CPOX: variants seen among roughly 807,000 people sequenced by gnomAD.
The protein encoded by CPOX is coproporphyrinogen oxidase, also known as oxygen-dependent coproporphyrinogen-III oxidase, mitochondrial.
A neutral mutation model predicts 48.9 loss-of-function variants in CPOX; 24 were observed. The observed-to-expected ratio is 0.49, with a 90% confidence interval of 0.36 to 0.69. CPOX has a LOEUF of 0.69. Among genes scored for constraint, CPOX ranks in the 30% least tolerant of loss-of-function variants. The pLI, the probability that CPOX is intolerant of heterozygous loss-of-function variation, is 0.00. For synonymous variants in CPOX, 249 were observed against 234.6 expected, an observed-to-expected ratio of 1.06 and a Z score of -0.56; for missense variants, 549 against 597.3, an observed-to-expected ratio of 0.92 and a Z score of 0.84.
chr3:98,579,755 A>C lies in CPOX; in HGVS notation c.*928T>G. 1 of 985,356 alleles carries C rather than the reference A, an allele frequency of 1.0e-6. No individual in the cohort carries two copies. Among genetic ancestry groups the C allele is most frequent in the African/African-American group, 1.7e-5 (1 of 57,368 alleles). 61.0% of individuals were successfully genotyped at this position (985,356 alleles called of 1,614,324 possible). Reference sequence around the variant, plus strand: ...TTCAATGTGTCCATTTTCCTAAGAAACGTGTGTATGAAATGCCTCCAAGTT... The same window carrying C: ...TTCAATGTGTCCATTTTCCTAAGAACCGTGTGTATGAAATGCCTCCAAGTT... On this transcript the variant is annotated 3_prime_UTR_variant, in exon 7 of 7. Coordinates refer to ENST00000647941, the MANE Select transcript of CPOX (RefSeq NM_000097.7).
Position 98,585,573 on chromosome 3 carries a change from T to G in CPOX, c.1040A>C (p.Lys347Thr), listed in dbSNP as rs759340330. The part of the protein sequence containing the change: ...IFFDDLDSPS[K>T]EEVFRFVQSC... ...CTGTACAAAGCGAAACACCTCCTCCTTGGACGGAGAGTCAAGATCATCAAA... is the reference window on the plus strand; with the variant it reads ...CTGTACAAAGCGAAACACCTCCTCCGTGGACGGAGAGTCAAGATCATCAAA... Residue 347 changes from lysine (K) to threonine (T), a missense_variant, in exon 5 of 7, where the codon AAG (lysine) becomes ACG (threonine). Coordinates refer to ENST00000647941, the MANE Select transcript of CPOX (RefSeq NM_000097.7). The G allele has an allele frequency of 6.2e-7, 1 of 1,614,004 alleles. No individual in the cohort carries two copies. The highest frequency in any genetic ancestry group is 2.2e-5 in the East Asian group (1 of 44,882).
chr3:98,588,478 C>T (rs2107125678), intron 4 of CPOX, among the ~76,000 whole-genome samples: 1 of 152,274 alleles, frequency 6.6e-6, no homozygotes, highest in South Asian at 2.1e-4. Context: ...TTATAGTCTA[C>T]CATTCTAAAT....
At position 98,581,452 on chromosome 3, in the gene CPOX, C is replaced by A. The variant is rs751396925; in HGVS notation, c.1232G>T (p.Gly411Val). 1 of 1,613,992 alleles carries A rather than the reference C, an allele frequency of 6.2e-7. No homozygotes were observed. Among genetic ancestry groups the A allele is most frequent in the Non-Finnish European group, 8.5e-7 (1 of 1,179,976 alleles). ...CATCAAGATACTTTCAATTCTGGAT[C>A]CTGGAGTGAAGAGGCCAAACTTTGT... is the stretch of plus-strand genomic sequence containing the variant. ...RGTKFGLFTP[G>V]SRIESILMSL... Residue 411 changes from glycine to valine, a missense_variant, in exon 6 of 7, where the codon GGA (glycine) becomes GTA (valine). This residue lies in a region of CPOX where 213 missense variants were observed against 279.1 expected (regional missense o/e 0.76). Transcript: ENST00000647941.
chr3:98,571,743 G>C, the CPOX span, among the ~76,000 whole-genome samples: 1 of 151,630 alleles, frequency 6.6e-6, no homozygotes, highest in Non-Finnish European at 1.5e-5. Flanking sequence ...ATGTCTCATA[G>C]GGTGTAGTAG....
At chr3:98,575,337 A>C (rs942283976), downstream of CPOX, among the ~76,000 whole-genome samples, 4 of 152,242 alleles carry the variant, frequency 2.6e-5, no homozygotes, top group Admixed American at 2.0e-4. Context: ...TTTTATGTTC[A>C]AACGCATTTT....
intron 6 of CPOX, among the ~76,000 whole-genome samples, chr3:98,581,010 C>T (rs1372557797): frequency 6.6e-6 from 1 of 152,048 alleles, no homozygotes; most frequent in Non-Finnish European, 1.5e-5. Flanking sequence ...ATCCCAGAGC[C>T]AAAATACACC....
downstream of CPOX, among the ~76,000 whole-genome samples, chr3:98,578,768 T>C (rs973271472): frequency 1.3e-5 from 2 of 152,234 alleles, no homozygotes; most frequent in Non-Finnish European, 2.9e-5. Context: ...TTAGCAATAG[T>C]TATTCCTTTT....
chr3:98,579,759 G>A lies in CPOX; in HGVS notation c.*924C>T. On this transcript the variant is annotated 3_prime_UTR_variant, in exon 7 of 7. Coordinates refer to ENST00000647941, the MANE Select transcript of CPOX (RefSeq NM_000097.7). ...ATGTGTCCATTTTCCTAAGAAACGT[G>A]TGTATGAAATGCCTCCAAGTTTCTC... The A allele has an allele frequency of 1.0e-6, 1 of 984,754 alleles. No individual in the cohort carries two copies. Among genetic ancestry groups the A allele is most frequent in the Non-Finnish European group, 1.2e-6 (1 of 829,008 alleles). The allele number at this position is 984,754 out of a possible 1,614,324, so 61.0% of individuals were successfully genotyped here.
chr3:98,589,998 A>G (rs531124590), intron 3 of CPOX, among the ~76,000 whole-genome samples: 14 of 152,364 alleles, frequency 9.2e-5, no homozygotes, highest in African/African-American at 3.1e-4. Context: ...CTCAATTTCA[A>G]TTTAACCTCG....
intron 3 of CPOX, 29 bp from the exon 4 acceptor site, chr3:98,588,883 G>A (rs747040461): frequency 2.1e-5 from 34 of 1,613,802 alleles, no homozygotes; most frequent in Non-Finnish European, 2.8e-5. Flanking sequence ...GGATTCTAAT[G>A]TGGACTTTTG....
Position 98,593,461 on chromosome 3 carries a change from A to G in CPOX, c.44T>C (p.Leu15Pro), listed in dbSNP as rs1576307255. The change falls in exon 1 of 7, where the codon CTC becomes CCC. Residue 15 changes from leucine (L) to proline (P), a missense_variant. Around this residue, in one of 2 missense-constraint regions of CPOX, gnomAD observed 336 missense variants for 318.1 expected, o/e 1.06. Transcript: ENST00000647941. The part of the protein sequence containing the change: ...LGRLSSGPCW[L>P]VARGGCGGPR... ...CCCTCCGCAGCCGCCCCGCGCCACG[A>G]GCCAGCAGGGGCCCGAGCTCAGCCT... 2 of 1,506,322 alleles carry G rather than the reference A, an allele frequency of 1.3e-6. No individual in the cohort carries two copies. Among genetic ancestry groups the G allele is most frequent in the Non-Finnish European group, 1.8e-6 (2 of 1,134,254 alleles). 93.3% of individuals were successfully genotyped at this position (1,506,322 alleles called of 1,614,324 possible).
At chr3:98,570,536 C>T in the CPOX span, among the ~76,000 whole-genome samples, 1 of 152,096 alleles carries the variant, frequency 6.6e-6, no homozygotes, top group Non-Finnish European at 1.5e-5. Flanking sequence ...AGCATACACA[C>T]TAATTTAAAT....
rs1707214987 is a variant in CPOX, at chr3:98,579,712, T to C, written c.*971A>G. On this transcript the variant is annotated 3_prime_UTR_variant, in exon 7 of 7. Transcript: ENST00000647941. The stretch of plus-strand genomic sequence containing the variant: ...GAGCAAAGAGCTGCAGAATCTCTAA[T>C]ATAAAAAAGAGGACATTTTCAATGT... The C allele has an allele frequency of 1.0e-6, 1 of 985,294 alleles. No individual in the cohort carries two copies. Among genetic ancestry groups the C allele is most frequent in the Non-Finnish European group, 1.2e-6 (1 of 829,786 alleles). The allele number at this position is 985,294 out of a possible 1,614,324, so 61.0% of individuals were successfully genotyped here.
the CPOX span, among the ~76,000 whole-genome samples, chr3:98,574,172 C>T: frequency 1.3e-5 from 2 of 152,308 alleles, no homozygotes; most frequent in East Asian, 3.9e-4. Flanking sequence ...CTGCTCTTCT[C>T]GTTTTTGTTA....
chr3:98,571,783 A>G, the CPOX span, among the ~76,000 whole-genome samples: 2 of 152,104 alleles, frequency 1.3e-5, no homozygotes, highest in African/African-American at 4.8e-5. Flanking sequence ...TATTTCCTAG[A>G]TATGAGTAAT....
intron 5 of CPOX, among the ~76,000 whole-genome samples, chr3:98,583,874 C>G (rs886676260): frequency 2.6e-5 from 4 of 152,016 alleles, no homozygotes; most frequent in Non-Finnish European, 4.4e-5. Flanking sequence ...ATCTTAGGCC[C>G]CAGAGTTTAT....
chr3:98,592,876 A>G, intron 1 of CPOX, 73 bp downstream of exon 1: 1 of 1,499,332 alleles, frequency 6.7e-7, no homozygotes, highest in Admixed American at 1.9e-5. Flanking sequence ...GAACTATTAT[A>G]TTTTCTGTCT....
downstream of CPOX, among the ~76,000 whole-genome samples, chr3:98,576,771 ACTT>A (rs1707167138): frequency 1.3e-5 from 2 of 152,190 alleles, no homozygotes; most frequent in South Asian, 4.1e-4. Flanking sequence ...GATACTGGGA[ACTT>A]CTGTTTTCAC....
chr3:98,593,573 C>T lies in CPOX; in HGVS notation c.-69G>A, dbSNP rs879217331. ...CTGCGTTTGAGCCCCCCACCCAGAC[C>T]CCCGGAGTATTGAGCCGGCGAGCTG... On this transcript the variant is annotated 5_prime_UTR_variant, in exon 1 of 7. Transcript: ENST00000647941. 3.4e-4 allele frequency: 486 copies of T among 1,447,782 alleles called. 5 individuals carry two copies. The South Asian group carries it at 5.9e-3, about 18-fold the overall frequency. 89.7% of individuals were successfully genotyped at this position (1,447,782 alleles called of 1,614,324 possible).
Sources: allele counts gnomAD v4.1 joint callset (sites outside exome capture counted in the v4.1 genomes callset), GRCh38; gene constraint gnomAD v4.1.1; regional missense constraint gnomAD v4.1.1; transcripts MANE v1.5; gene names NCBI Gene and HGNC (gene_info 2026-07-23, HGNC 2026-07-21).